The following TULP4 variants were observed in gnomAD, a reference collection of about 807,000 sequenced individuals.
TULP4 encodes tubby-related protein 4.
A neutral mutation model predicts 129.0 loss-of-function variants in TULP4; 16 were observed. That is an observed-to-expected ratio of 0.12 (90% CI 0.08 to 0.19). The LOEUF (loss-of-function observed/expected upper bound fraction) is 0.19, where lower values mean the gene tolerates loss of function less well. Among genes scored for constraint, TULP4 ranks in the 10% least tolerant of loss-of-function variants. The pLI, the probability that TULP4 is intolerant of heterozygous loss-of-function variation, is 1.00. For synonymous variants in TULP4, 998 were observed against 854.0 expected (o/e 1.17, Z -2.94); for missense variants, 1,842 against 2,059.1 (o/e 0.89, Z 2.04).
intron 1 of TULP4, among the ~76,000 whole-genome samples, chr6:158,235,031 G>C (rs1331258753): frequency 2.0e-5 from 3 of 152,068 alleles, no homozygotes; most frequent in Non-Finnish European, 4.4e-5. Flanking sequence ...ACCAGTTGCT[G>C]TGGCACACAC....
intron 1 of TULP4, among the ~76,000 whole-genome samples, chr6:158,234,683 T>C (rs1777655942): frequency 6.6e-6 from 1 of 152,252 alleles, no homozygotes; most frequent in Non-Finnish European, 1.5e-5. Flanking sequence ...CTGTTTAGCA[T>C]TCTGTGCAGC....
At chr6:158,320,633 T>C (rs901563201) in intron 1 of TULP4, among the ~76,000 whole-genome samples, 10 of 152,142 alleles carry the variant, frequency 6.6e-5, no homozygotes, top group Admixed American at 4.6e-4. Flanking sequence ...GATTTTGCCA[T>C]GTTGACCAGG....
chr6:158,505,181 C>G (rs1007609513), intron 13 of TULP4, among the ~76,000 whole-genome samples: 1 of 152,234 alleles, frequency 6.6e-6, no homozygotes, highest in Non-Finnish European at 1.5e-5. Context: ...CTTCCCTGCT[C>G]CAGCCCAGAA....
chr6:158,286,076 A>G (rs968690296), intron 1 of TULP4, among the ~76,000 whole-genome samples: 8 of 152,232 alleles, frequency 5.3e-5, no homozygotes, highest in African/African-American at 1.7e-4. Context: ...TTAACAATAT[A>G]TAGGTATTCA....
chr6:158,264,165 G>A (rs550134894), intron 1 of TULP4, among the ~76,000 whole-genome samples: 1 of 152,228 alleles, frequency 6.6e-6, no homozygotes, highest in African/African-American at 2.4e-5. Context: ...TATGCAGCCT[G>A]TGGGGTTGGG....
intron 1 of TULP4, among the ~76,000 whole-genome samples, chr6:158,285,809 C>T (rs1778826279): frequency 6.6e-6 from 1 of 152,194 alleles, no homozygotes; most frequent in Non-Finnish European, 1.5e-5. Flanking sequence ...GGCCGAGGGT[C>T]AGGCACTTCT....
At chr6:158,325,472 C>A (rs1220959199) in intron 1 of TULP4, among the ~76,000 whole-genome samples, 1 of 151,350 alleles carries the variant, frequency 6.6e-6, no homozygotes, top group African/African-American at 2.4e-5. Context: ...CCTGCCTTAG[C>A]CTCCCGAGTA....
chr6:158,328,943 G>A (rs558085863), intron 1 of TULP4, among the ~76,000 whole-genome samples: 2 of 152,214 alleles, frequency 1.3e-5, no homozygotes, highest in African/African-American at 4.8e-5. Flanking sequence ...TTTACTAGGA[G>A]GTTTTTGTCT....
intron 1 of TULP4, among the ~76,000 whole-genome samples, chr6:158,408,579 G>A (rs1312813399): frequency 7.9e-5 from 12 of 152,076 alleles, no homozygotes; most frequent in Non-Finnish European, 1.8e-4. Flanking sequence ...ACCATGGCTT[G>A]CGTCAAGCAG....
intron 1 of TULP4, among the ~76,000 whole-genome samples, chr6:158,245,803 G>T (rs192610275): frequency 2.0e-5 from 3 of 152,276 alleles, no homozygotes; most frequent in Non-Finnish European, 4.4e-5. Flanking sequence ...ATAAACATAG[G>T]CACAGCACTT....
At chr6:158,280,437 A>T (rs143907585), upstream of TULP4, among the ~76,000 whole-genome samples, 3 of 152,356 alleles carry the variant, frequency 2.0e-5, no homozygotes, top group East Asian at 5.8e-4. Flanking sequence ...ACAAGTGGCT[A>T]CCTGAATATA....
At chr6:158,349,883 G>A (rs1382840403) in intron 1 of TULP4, among the ~76,000 whole-genome samples, 1 of 127,892 alleles carries the variant, frequency 7.8e-6, no homozygotes, top group Non-Finnish European at 1.6e-5. Context: ...GGGCAGAGAC[G>A]CTCCTCACCT....
chr6:158,390,255 A>G (rs1777555219), intron 1 of TULP4, among the ~76,000 whole-genome samples: 3 of 152,208 alleles, frequency 2.0e-5, no homozygotes, highest in Admixed American at 6.5e-5. Flanking sequence ...AATTATGTAC[A>G]TAAATGTATC....
chr6:158,456,735 G>A (rs186317468), intron 5 of TULP4, among the ~76,000 whole-genome samples: 89 of 151,980 alleles, frequency 5.9e-4, no homozygotes, highest in Middle Eastern at 3.4e-3. Flanking sequence ...GTGGGAGGCC[G>A]AGGTGGGAGA....
chr6:158,304,585 T>C (rs977394337), intron 1 of TULP4, among the ~76,000 whole-genome samples: 1 of 152,226 alleles, frequency 6.6e-6, no homozygotes, highest in African/African-American at 2.4e-5. Flanking sequence ...TGAAAGACTT[T>C]ATATGAATAG....
chr6:158,246,618 A>G (rs1778036364), intron 1 of TULP4, among the ~76,000 whole-genome samples: 1 of 152,198 alleles, frequency 6.6e-6, no homozygotes, highest in South Asian at 2.1e-4. Flanking sequence ...CCATGGTAGG[A>G]TCTATACCAG....
At chr6:158,480,450 C>T (rs778619648) in intron 7 of TULP4, among the ~76,000 whole-genome samples, 11 of 152,236 alleles carry the variant, frequency 7.2e-5, no homozygotes, top group African/African-American at 1.2e-4. Context: ...GGCCTGCTCT[C>T]AGCACTGCTG....
chr6:158,330,552 A>G (rs1779854229), intron 1 of TULP4, among the ~76,000 whole-genome samples: 1 of 152,206 alleles, frequency 6.6e-6, no homozygotes, highest in Non-Finnish European at 1.5e-5. Flanking sequence ...GAGAGTGTAC[A>G]TCTTGGTCCT....
chr6:158,498,997 G>T (rs980485851), intron 12 of TULP4, among the ~76,000 whole-genome samples, 185 bp downstream of exon 12: 1 of 152,224 alleles, frequency 6.6e-6, no homozygotes, highest in Admixed American at 6.5e-5. Context: ...GTTGGCACCA[G>T]TGTTGGCAGG....
Sources: allele counts gnomAD v4.1 joint callset (sites outside exome capture counted in the v4.1 genomes callset), GRCh38; gene constraint gnomAD v4.1.1; transcripts MANE v1.5; gene names NCBI Gene and HGNC (gene_info 2026-07-23, HGNC 2026-07-21).